PHF7: variants seen among roughly 807,000 people sequenced by gnomAD.
PHF7 encodes the protein PHD finger protein 7, also known as E3 ubiquitin-protein ligase PHF7.
PHF7 carries 24 observed loss-of-function variants against 47.5 expected under a neutral mutation model. That is an observed-to-expected ratio of 0.51 (90% CI 0.37 to 0.71). The LOEUF (loss-of-function observed/expected upper bound fraction) is 0.71. Ranked by LOEUF, PHF7 falls within the 30% of genes least tolerant of loss-of-function variation. The pLI, the probability that PHF7 is intolerant of heterozygous loss-of-function variation, is 0.00. For synonymous variants in PHF7, 156 were observed against 153.8 expected (o/e 1.01, Z -0.11); for missense variants, 361 against 456.8 (o/e 0.79, Z 1.91).
rs373150998 is a variant in PHF7, at chr3:52,422,349, G to C, written c.797+11G>C. 2 of 1,535,222 alleles carry C rather than the reference G, an allele frequency of 1.3e-6. No homozygotes were observed. The highest frequency in any genetic ancestry group is 1.4e-5 in the African/African-American group (1 of 73,524). On this transcript the variant is annotated intron_variant, in intron 9 of 10. Coordinates refer to ENST00000327906, the MANE Select transcript of PHF7 (RefSeq NM_016483.7). ...CTTTGAGGATGAAGGGTAGGGGAAG[G>C]CTTCTGGCTAGAAAGAGCTCTCATC...
intron 4 of PHF7, among the ~76,000 whole-genome samples, chr3:52,415,187 A>G (rs1335943592): frequency 6.6e-6 from 1 of 152,064 alleles, no homozygotes; most frequent in Non-Finnish European, 1.5e-5. Flanking sequence ...TTCATACTGT[A>G]AAAATCACCA....
chr3:52,412,620 T>C (rs2153228875), intron 1 of PHF7, among the ~76,000 whole-genome samples, 191 bp from the exon 2 acceptor site: 1 of 152,308 alleles, frequency 6.6e-6, no homozygotes, highest in South Asian at 2.1e-4. Context: ...TCCCCCATCT[T>C]GAAAATGGGG....
At chr3:52,419,087 G>T (rs2153229112) in intron 4 of PHF7, among the ~76,000 whole-genome samples, 1 of 152,182 alleles carries the variant, frequency 6.6e-6, no homozygotes, top group Non-Finnish European at 1.5e-5. Context: ...TTACAGGTGT[G>T]AGCCACCGTG....
Position 52,422,348 on chromosome 3 carries a change from G to C in PHF7, c.797+10G>C. On this transcript the variant is annotated intron_variant, in intron 9 of 10. Coordinates refer to ENST00000327906, the MANE Select transcript of PHF7 (RefSeq NM_016483.7). Reference sequence around the variant, plus strand: ...GCTTTGAGGATGAAGGGTAGGGGAAGGCTTCTGGCTAGAAAGAGCTCTCAT... The same window carrying C: ...GCTTTGAGGATGAAGGGTAGGGGAACGCTTCTGGCTAGAAAGAGCTCTCAT... 1.3e-6 allele frequency: 2 copies of C among 1,536,018 alleles called. No individual in the cohort carries two copies. Among genetic ancestry groups the C allele is most frequent in the Non-Finnish European group, 1.8e-6 (2 of 1,108,566 alleles).
At chr3:52,422,658 G>A (rs180788252) in intron 9 of PHF7, 102 bp from the exon 10 acceptor site, 1 of 1,233,006 alleles carries the variant, frequency 8.1e-7, no homozygotes, top group East Asian at 2.3e-5. Flanking sequence ...ATTCATCTTG[G>A]GTAAAATGTG....
intron 3 of PHF7, 54 bp downstream of exon 3, chr3:52,414,102 A>AG: frequency 8.2e-7 from 1 of 1,223,350 alleles, no homozygotes; most frequent in Non-Finnish European, 1.2e-6. Context: ...TCAGCAAAGA[A>AG]GGCCACCTGT....
Position 52,423,194 on chromosome 3 carries a change from T to G in PHF7, c.1023T>G (p.Leu341=). Residue 341 remains leucine, a synonymous_variant, in exon 11 of 11, where the codon CTT becomes CTG. Transcript: ENST00000327906. The part of the protein sequence containing the change: ...RDNTLEENPG[L]SWTDWPEPSL... ...ACACCTTGGAAGAGAATCCGGGCCT[T>G]TCTTGGACTGATTGGCCAGAACCTT... 1 of 1,613,878 alleles carries G rather than the reference T, an allele frequency of 6.2e-7. No individual in the cohort carries two copies. The highest frequency in any genetic ancestry group is 8.5e-7 in the Non-Finnish European group (1 of 1,179,724).
In PHF7 at chr3:52,423,505, C is replaced by T. The variant is rs747109475; in HGVS notation, c.*188C>T. 9.1e-6 allele frequency: 5 copies of T among 547,970 alleles called. No homozygotes were observed. Among genetic ancestry groups the T allele is most frequent in the South Asian group, 2.3e-5 (1 of 43,642 alleles). 33.9% of individuals were successfully genotyped at this position (547,970 alleles called of 1,614,324 possible). On this transcript the variant is annotated 3_prime_UTR_variant, in exon 11 of 11. Coordinates refer to ENST00000327906, the MANE Select transcript of PHF7 (RefSeq NM_016483.7). ...CAGTCCAGATGCCAACAAGGAAATGCGTTTATGGCTACAAGAGTGCCTCTG... is the reference window on the plus strand; with the variant it reads ...CAGTCCAGATGCCAACAAGGAAATGTGTTTATGGCTACAAGAGTGCCTCTG...
In PHF7 at chr3:52,418,166, T is replaced by C. The variant is rs370642493; in HGVS notation, c.187-1667T>C. 5.3e-5 allele frequency among the ~76,000 whole-genome samples: 8 copies of C among 152,346 alleles called. No individual in the cohort carries two copies. The Middle Eastern group carries it at 0.01, about 194-fold the overall frequency. On this transcript the variant is annotated intron_variant, in intron 4 of 10. Transcript: ENST00000327906. ...TTTTTATATGGTGCTGGATTCAGTT[T>C]GCATCTGTTTTGATTTTTATATCTG...
At chr3:52,416,818 G>A (rs1365945743) in intron 4 of PHF7, among the ~76,000 whole-genome samples, 1 of 132,386 alleles carries the variant, frequency 7.6e-6, no homozygotes, top group Non-Finnish European at 1.6e-5. Flanking sequence ...GGGCGACAGT[G>A]CAAGACTCCG....
Position 52,412,813 on chromosome 3 carries a change from G to C in PHF7, c.-67G>C. On this transcript the variant is annotated splice_region_variant and 5_prime_UTR_variant, in exon 2 of 11. Transcript: ENST00000327906. Reference sequence around the variant, plus strand: ...CCAAACCCCATTTATATTTATAGCTGGAAGAGCCTGTATTGTCCTCACAAT... The same window carrying C: ...CCAAACCCCATTTATATTTATAGCTCGAAGAGCCTGTATTGTCCTCACAAT... 1 of 1,253,974 alleles carries C rather than the reference G, an allele frequency of 8.0e-7. No homozygotes were observed. Among genetic ancestry groups the C allele is most frequent in the Non-Finnish European group, 1.2e-6 (1 of 864,258 alleles). The allele number at this position is 1,253,974 out of a possible 1,614,324, so 77.7% of individuals were successfully genotyped here.
chr3:52,420,517 C>T (rs1052572376), intron 6 of PHF7, 82 bp downstream of exon 6: 5 of 1,357,724 alleles, frequency 3.7e-6, no homozygotes, highest in African/African-American at 1.4e-5. Context: ...CCAGTTCTCA[C>T]AAGCAGGCCT....
chr3:52,413,990 G>C lies in PHF7; in HGVS notation c.42-6G>C. ...ACACCTTGTGCTTCTTATTTCTCTT[G>C]TATAGAAAATCTGCCAAGACTAGGA... On this transcript the variant is annotated splice_polypyrimidine_tract_variant and splice_region_variant and intron_variant, in intron 2 of 10. Coordinates refer to ENST00000327906, the MANE Select transcript of PHF7 (RefSeq NM_016483.7). 6.3e-7 allele frequency: 1 copy of C among 1,595,836 alleles called. No individual in the cohort carries two copies. Among genetic ancestry groups the C allele is most frequent in the Non-Finnish European group, 8.6e-7 (1 of 1,163,446 alleles).
chr3:52,415,314 A>G (rs1445691155), intron 4 of PHF7, among the ~76,000 whole-genome samples: 2 of 152,126 alleles, frequency 1.3e-5, no homozygotes, highest in Non-Finnish European at 1.5e-5. Context: ...CTCCTGCCTC[A>G]GCCTCCCAAG....
chr3:52,422,154 C>A (rs1705809647), intron 8 of PHF7, 68 bp from the exon 9 acceptor site: 2 of 1,078,172 alleles, frequency 1.9e-6, no homozygotes, highest in South Asian at 2.5e-5. Flanking sequence ...CTTCCTAACT[C>A]CTCCCTGATG....
At chr3:52,422,619 G>A in intron 9 of PHF7, 141 bp from the exon 10 acceptor site, 1 of 890,216 alleles carries the variant, frequency 1.1e-6, no homozygotes, top group South Asian at 1.5e-5. Context: ...AGGCTTCTGG[G>A]ATCAGCACTC....
intron 1 of PHF7, 183 bp downstream of exon 1, chr3:52,411,430 T>C (rs1355122612): frequency 6.6e-6 from 1 of 152,268 alleles, no homozygotes; most frequent in East Asian, 1.9e-4. Context: ...CTGCAACTCC[T>C]GGGTTAGAGG....
In PHF7 at chr3:52,414,520, C is replaced by A; in HGVS notation, c.119C>A (p.Pro40His). The change falls in exon 4 of 11, where the codon CCT becomes CAT. Residue 40 changes from proline (P) to histidine (H), a missense_variant. By Grantham distance (77) the Pro-to-His change is moderately conservative. Transcript: ENST00000327906. ...GPVCWLCLRE[P>H]GDPEKLGEFL... ...GTTTGCTGGCTATGCCTTCGAGAAC[C>A]TGGGGATCCCGAAAAATTAGGGGAA... The A allele has an allele frequency of 1.2e-6, 2 of 1,612,466 alleles. No homozygotes were observed. The highest frequency in any genetic ancestry group is 1.7e-6 in the Non-Finnish European group (2 of 1,178,972).
At chr3:52,413,725 C>T (rs945672932) in intron 2 of PHF7, among the ~76,000 whole-genome samples, 8 of 152,122 alleles carry the variant, frequency 5.3e-5, no homozygotes, top group Non-Finnish European at 4.4e-5. Flanking sequence ...ATCCCAGCTC[C>T]TCGGGAGGCT....
Sources: gnomAD v4.1 joint callset for allele counts (sites outside exome capture counted in the v4.1 genomes callset) on GRCh38, gnomAD v4.1.1 for gene constraint, MANE v1.5 for transcripts, NCBI Gene and HGNC (gene_info 2026-07-23, HGNC 2026-07-21) for gene names.